The following ADARB2 variants were observed in gnomAD, a reference collection of about 807,000 sequenced individuals.
ADARB2 encodes adenosine deaminase RNA specific B2 (inactive).
ADARB2 carries 25 observed loss-of-function variants against 62.2 expected under a neutral mutation model. The ratio of observed to expected loss-of-function variants is 0.40; its 90% CI spans 0.29 to 0.56. ADARB2 has a LOEUF of 0.56. ADARB2 is among the 20% of genes least tolerant of loss of function. The pLI is 0.43. For synonymous variants in ADARB2, 572 were observed against 500.8 expected, an observed-to-expected ratio of 1.14 and a Z score of -1.90; for missense variants, 1,071 against 1,077.4, an observed-to-expected ratio of 0.99 and a Z score of 0.08.
At chr10:1,365,481 A>C (rs1173446750) in intron 2 of ADARB2, among the ~76,000 whole-genome samples, 3 of 152,154 alleles carry the variant, frequency 2.0e-5, no homozygotes, top group Admixed American at 6.5e-5. Flanking sequence ...CTCTCACTTT[A>C]AATCAAATGT....
intron 1 of ADARB2, among the ~76,000 whole-genome samples, chr10:1,712,437 T>A (rs753688114): frequency 5.3e-5 from 8 of 152,126 alleles, no homozygotes; most frequent in African/African-American, 1.9e-4. Context: ...CTGCTTTTTT[T>A]TTTCTTTGCG....
At chr10:1,669,226 G>C (rs1436637457) in intron 1 of ADARB2, among the ~76,000 whole-genome samples, 1 of 152,166 alleles carries the variant, frequency 6.6e-6, no homozygotes. Flanking sequence ...ACGAAGAGCT[G>C]TGCAGGGCTA....
chr10:1,425,247 T>C (rs964411750), intron 1 of ADARB2, among the ~76,000 whole-genome samples: 1 of 152,178 alleles, frequency 6.6e-6, no homozygotes, highest in African/African-American at 2.4e-5. Flanking sequence ...GATTTCCTGA[T>C]CAAATGCTGT....
intron 1 of ADARB2, among the ~76,000 whole-genome samples, chr10:1,695,706 GCAAA>G (rs540402102): frequency 8.1e-4 from 123 of 152,270 alleles, no homozygotes; most frequent in African/African-American, 2.7e-3. Context: ...GTGCATGTAT[GCAAA>G]CATACATGTA....
Position 1,183,023 on chromosome 10 carries a change from G to A in ADARB2, c.*170C>T. 1.3e-6 allele frequency: 1 copy of A among 750,120 alleles called. No homozygotes were observed. The highest frequency in any genetic ancestry group is 2.1e-6 in the Non-Finnish European group (1 of 472,596). 46.5% of individuals were successfully genotyped at this position (750,120 alleles called of 1,614,324 possible). A position where few individuals can be genotyped will look rare whatever the true frequency, so the allele number is the denominator to read the frequency against. The stretch of plus-strand genomic sequence containing the variant: ...TCTGGGGCCAGCGATCTGGAAAGAG[G>A]CACGTTCTGAATTTGTGTTGTTGCT... On this transcript the variant is annotated 3_prime_UTR_variant, in exon 10 of 10. Coordinates refer to ENST00000381312, the MANE Select transcript of ADARB2 (RefSeq NM_018702.4).
At chr10:1,496,263 CCAT>C (rs1017720164) in intron 1 of ADARB2, among the ~76,000 whole-genome samples, 5 of 151,400 alleles carry the variant, frequency 3.3e-5, no homozygotes, top group African/African-American at 7.3e-5. Flanking sequence ...GTCATCAGCA[CCAT>C]CATCATCAAC....
intron 1 of ADARB2, among the ~76,000 whole-genome samples, chr10:1,600,424 G>A (rs1227530357): frequency 1.3e-5 from 2 of 152,090 alleles, no homozygotes; most frequent in East Asian, 3.9e-4. Flanking sequence ...ACTTTGGGAA[G>A]CTGAGATGGG....
intron 1 of ADARB2, among the ~76,000 whole-genome samples, chr10:1,681,859 G>T (rs1588350862): frequency 6.6e-6 from 1 of 152,154 alleles, no homozygotes; most frequent in East Asian, 1.9e-4. Flanking sequence ...AGAGTCGTAG[G>T]TGAAAGTGCA....
chr10:1,567,184 C>T lies in ADARB2; in HGVS notation c.100+169867G>A, dbSNP rs754506135. Among the ~76,000 whole-genome samples the T allele has an allele frequency of 2.0e-5, 3 of 152,084 alleles. No homozygotes were observed. The South Asian group carries it at 6.2e-4, about 32-fold the overall frequency. On this transcript the variant is annotated intron_variant, in intron 1 of 9. Coordinates refer to ENST00000381312, the MANE Select transcript of ADARB2 (RefSeq NM_018702.4). ...CAGAGGAAGTCTGTGGGTCCTCCCC[C>T]CACCGAGAAGCAGACCTGCTCACAC...
At chr10:1,405,948 C>T (rs937953735) in intron 1 of ADARB2, among the ~76,000 whole-genome samples, 2 of 152,144 alleles carry the variant, frequency 1.3e-5, no homozygotes, top group Middle Eastern at 3.4e-3. Context: ...CGCCAAGATA[C>T]ACCTGTTTAT....
At chr10:1,618,728 C>T (rs989477073) in intron 1 of ADARB2, among the ~76,000 whole-genome samples, 7 of 152,030 alleles carry the variant, frequency 4.6e-5, no homozygotes, top group African/African-American at 9.7e-5. Flanking sequence ...AAATCTGTGA[C>T]GTGGTAATCG....
intron 3 of ADARB2, among the ~76,000 whole-genome samples, chr10:1,305,160 C>T (rs1306901598): frequency 1.4e-5 from 2 of 144,514 alleles, no homozygotes; most frequent in African/African-American, 5.0e-5. Context: ...ACTAGCAAGA[C>T]TAATAAAGAA....
chr10:1,235,118 G>T (rs899697548), intron 5 of ADARB2, among the ~76,000 whole-genome samples: 1 of 151,590 alleles, frequency 6.6e-6, no homozygotes, highest in Non-Finnish European at 1.5e-5. Flanking sequence ...ACACACCTGT[G>T]ATTCTGTGGA....
rs548773808 is a variant in ADARB2, at chr10:1,690,980, C to T, written c.100+46071G>A. On this transcript the variant is annotated intron_variant, in intron 1 of 9. Coordinates refer to ENST00000381312, the MANE Select transcript of ADARB2 (RefSeq NM_018702.4). ...TGCCTCTCAACCCCACGCTGTGCCC[C>T]TTTCCTTCTGGGTGCGGGTGACCCA... is the stretch of plus-strand genomic sequence containing the variant. Among the ~76,000 whole-genome samples, 215 of 152,322 alleles carry T rather than the reference C, an allele frequency of 1.4e-3. 1 individual carries two copies. Among genetic ancestry groups the T allele is most frequent in the Non-Finnish European group, 2.0e-3 (136 of 68,024 alleles).
intron 1 of ADARB2, among the ~76,000 whole-genome samples, chr10:1,515,529 G>T (rs1348241889): frequency 6.6e-6 from 1 of 152,260 alleles, no homozygotes; most frequent in South Asian, 2.1e-4. Flanking sequence ...ACCCAGGTCA[G>T]TTCTGGAGAA....
chr10:1,607,799 C>T (rs530168463), intron 1 of ADARB2, among the ~76,000 whole-genome samples: 9 of 152,362 alleles, frequency 5.9e-5, no homozygotes, highest in African/African-American at 2.2e-4. Flanking sequence ...AGCCATCACC[C>T]ACACTGGACA....
intron 1 of ADARB2, among the ~76,000 whole-genome samples, chr10:1,521,475 A>C (rs534677028): frequency 6.6e-6 from 1 of 152,324 alleles, no homozygotes; most frequent in Non-Finnish European, 1.5e-5. Flanking sequence ...CTCTTTTAAA[A>C]TTTAACCTGA....
At chr10:1,241,676 G>C (rs1830925914) in intron 5 of ADARB2, among the ~76,000 whole-genome samples, 1 of 152,234 alleles carries the variant, frequency 6.6e-6, no homozygotes, top group East Asian at 1.9e-4. Context: ...CCAATACTGG[G>C]GCACAGTTCT....
At chr10:1,675,604 G>A (rs1055305812) in intron 1 of ADARB2, among the ~76,000 whole-genome samples, 6 of 151,184 alleles carry the variant, frequency 4.0e-5, no homozygotes, top group African/African-American at 1.5e-4. Flanking sequence ...TGGAGGCTTG[G>A]GTTGGGGGGT....
Sources: gnomAD v4.1 joint callset for allele counts (sites outside exome capture counted in the v4.1 genomes callset) on GRCh38, gnomAD v4.1.1 for gene constraint, MANE v1.5 for transcripts, NCBI Gene and HGNC (gene_info 2026-07-23, HGNC 2026-07-21) for gene names.